The following MKLN1 variants were observed in gnomAD, a reference collection of about 807,000 sequenced individuals.
MKLN1 encodes the protein muskelin.
MKLN1 carries 18 observed loss-of-function variants against 99.0 expected under a neutral mutation model. That is an observed-to-expected ratio of 0.18 (90% confidence interval 0.13 to 0.27). The LOEUF is 0.27. MKLN1 is among the 10% of genes least tolerant of loss of function. The probability of loss-of-function intolerance (pLI) is 1.00; values close to 1 mark genes in which losing one functional copy is unlikely to be tolerated. For synonymous variants in MKLN1, 288 were observed against 293.2 expected (o/e 0.98, Z 0.18); for missense variants, 621 against 875.9 (o/e 0.71, Z 3.67).
At chr7:131,386,163 G>A (rs1158141006) in intron 2 of MKLN1, among the ~76,000 whole-genome samples, 4 of 151,892 alleles carry the variant, frequency 2.6e-5, no homozygotes, top group South Asian at 2.1e-4. Flanking sequence ...ACAGGCGACC[G>A]CCACCATGCC....
intron 3 of MKLN1, among the ~76,000 whole-genome samples, chr7:131,290,863 A>AT (rs1213776098): frequency 1.3e-5 from 2 of 152,168 alleles, no homozygotes; most frequent in African/African-American, 4.8e-5. Flanking sequence ...TAGCACTGCG[A>AT]TTTATCCAAC....
intron 8 of MKLN1, among the ~76,000 whole-genome samples, chr7:131,427,131 T>G (rs1463665632): frequency 6.6e-6 from 1 of 152,242 alleles, no homozygotes; most frequent in African/African-American, 2.4e-5. Context: ...AACTCAGTCC[T>G]GCTCCAGTGG....
At chr7:131,432,039 C>G (rs945975862) in intron 9 of MKLN1, among the ~76,000 whole-genome samples, 2 of 152,206 alleles carry the variant, frequency 1.3e-5, no homozygotes, top group South Asian at 2.1e-4. Flanking sequence ...GATGTGCTCA[C>G]TTAACCCCTT....
intron 3 of MKLN1, among the ~76,000 whole-genome samples, chr7:131,305,538 A>G (rs1563285753): frequency 6.6e-6 from 1 of 152,178 alleles, no homozygotes; most frequent in Non-Finnish European, 1.5e-5. Flanking sequence ...GTCTCTGCCT[A>G]GAATTCTTTC....
Position 131,250,294 on chromosome 7 carries a change from C to T in MKLN1, c.-179+47320C>T, listed in dbSNP as rs530859141. On this transcript the variant is annotated intron_variant, in intron 3 of 7. Coordinates refer to the MKLN1 transcript ENST00000416992. ...TGAAGCGGGAACCCAGGGAAGAGAC[C>T]CTTCCATCGGCCTGAATATTAGTGG... 2.2e-4 allele frequency among the ~76,000 whole-genome samples: 34 copies of T among 152,156 alleles called. No homozygotes were observed. In the South Asian group the frequency reaches 6.0e-3, roughly 27 times the overall value.
chr7:131,183,374 C>G (rs1390647489), intron 2 of MKLN1, among the ~76,000 whole-genome samples: 1 of 152,158 alleles, frequency 6.6e-6, no homozygotes, highest in African/African-American at 2.4e-5. Context: ...AGCATTGGAA[C>G]TGCCCAGGTC....
rs192833908 is a variant in MKLN1, at chr7:131,388,140, T to G, written c.312-744T>G. Among the ~76,000 whole-genome samples, 23 of 152,254 alleles carry G rather than the reference T, an allele frequency of 1.5e-4. 1 individual carries two copies. The East Asian group carries it at 3.9e-3, about 26-fold the overall frequency. The stretch of plus-strand genomic sequence containing the variant: ...CAAGATCGCACCACTGCACTCCAGC[T>G]GGGGTGAAACAGTGAGACTCTGTCT... On this transcript the variant is annotated intron_variant, in intron 3 of 17. Coordinates refer to ENST00000352689, the MANE Select transcript of MKLN1 (RefSeq NM_013255.5).
intron 9 of MKLN1, among the ~76,000 whole-genome samples, chr7:131,431,653 A>G (rs1795525065): frequency 6.6e-6 from 1 of 152,204 alleles, no homozygotes; most frequent in Non-Finnish European, 1.5e-5. Context: ...AACCAAGTCC[A>G]GAGTCAGTTG....
chr7:131,453,753 A>G (rs771202608), intron 12 of MKLN1, among the ~76,000 whole-genome samples: 15 of 152,178 alleles, frequency 9.9e-5, no homozygotes, highest in Non-Finnish European at 1.2e-4. Flanking sequence ...ATTAAAAAAT[A>G]TAAAAAATTG....
At chr7:131,283,343 CCCCTCCTTCCTTCCTT>C (rs1343354625) in intron 3 of MKLN1, among the ~76,000 whole-genome samples, 878 of 74,676 alleles carry the variant, frequency 0.012, 30 homozygotes, top group Middle Eastern at 0.027. Flanking sequence ...CCCTTCCCTT[CCCCTCCTTCCTTCCTT>C]CCTTCCTTCC....
chr7:131,168,869 CTT>C (rs61416767), intron 2 of MKLN1, among the ~76,000 whole-genome samples: 54 of 139,150 alleles, frequency 3.9e-4, no homozygotes, highest in Admixed American at 4.3e-4. Context: ...TCGTTGTTTT[CTT>C]TTTTTTTTTT....
chr7:131,475,259 A>G (rs1008760455), intron 16 of MKLN1, among the ~76,000 whole-genome samples: 1 of 152,210 alleles, frequency 6.6e-6, no homozygotes, highest in African/African-American at 2.4e-5. Context: ...GATGAAATTG[A>G]CAAATACTTT....
At chr7:131,209,635 C>T (rs1396790063) in intron 3 of MKLN1, among the ~76,000 whole-genome samples, 1 of 152,206 alleles carries the variant, frequency 6.6e-6, no homozygotes, top group East Asian at 1.9e-4. Context: ...CTGTTCCTTT[C>T]TTCCTCCTTG....
intron 6 of MKLN1, among the ~76,000 whole-genome samples, chr7:131,402,232 C>T (rs1685865244): frequency 6.6e-6 from 1 of 152,144 alleles, no homozygotes; most frequent in African/African-American, 2.4e-5. Flanking sequence ...GAGCAGTTTC[C>T]ATCTCAAGAA....
intron 3 of MKLN1, among the ~76,000 whole-genome samples, chr7:131,314,555 T>C (rs1030187650): frequency 6.6e-5 from 10 of 152,136 alleles, no homozygotes; most frequent in Non-Finnish European, 1.0e-4. Flanking sequence ...CCCGAGTAGC[T>C]GGGACTACAG....
At chr7:131,351,189 A>G (rs1799709693) in intron 1 of MKLN1, among the ~76,000 whole-genome samples, 1 of 151,990 alleles carries the variant, frequency 6.6e-6, no homozygotes. Context: ...TCGAGGCTGC[A>G]GTGAGCTATG....
chr7:131,122,515 C>T (rs914688785), intron 1 of MKLN1, among the ~76,000 whole-genome samples: 6 of 152,136 alleles, frequency 3.9e-5, no homozygotes, highest in Non-Finnish European at 7.4e-5. Context: ...TGCTTTTCCT[C>T]GTCTATGACT....
At chr7:131,120,048 G>A (rs955991564) in intron 1 of MKLN1, among the ~76,000 whole-genome samples, 1 of 151,660 alleles carries the variant, frequency 6.6e-6, no homozygotes, top group Admixed American at 6.6e-5. Context: ...GCAGGCGCCT[G>A]TAGTCCCAGC....
intron 2 of MKLN1, among the ~76,000 whole-genome samples, chr7:131,176,129 A>G (rs1796295632): frequency 6.6e-6 from 1 of 152,190 alleles, no homozygotes; most frequent in Admixed American, 6.5e-5. Context: ...TTATCAAAAC[A>G]TTGAATATTT....
Sources: allele counts gnomAD v4.1 joint callset (sites outside exome capture counted in the v4.1 genomes callset), GRCh38; gene constraint gnomAD v4.1.1; transcripts MANE v1.5; gene names NCBI Gene and HGNC (gene_info 2026-07-23, HGNC 2026-07-21).